Variants in STARD13 observed in about 807,000 individuals in gnomAD.
STARD13 encodes the protein StAR related lipid transfer domain containing 13.
A neutral mutation model predicts 106.4 loss-of-function variants in STARD13; 62 were observed. The ratio of observed to expected loss-of-function variants is 0.58; its 90% CI spans 0.48 to 0.72. The LOEUF (loss-of-function observed/expected upper bound fraction) is 0.72, where lower values mean the gene tolerates loss of function less well. STARD13 is among the 30% of genes least tolerant of loss of function. The probability of loss-of-function intolerance (pLI) is 0.00; values close to 1 mark genes in which losing one functional copy is unlikely to be tolerated. For synonymous variants in STARD13, 565 were observed against 553.0 expected (o/e 1.02, Z -0.31); for missense variants, 1,387 against 1,424.0 (o/e 0.97, Z 0.42).
intron 1 of STARD13, among the ~76,000 whole-genome samples, chr13:33,189,126 GAATAGCTCGATGCTTCATATAAAACCAT>G (rs1285318213): frequency 6.6e-6 from 1 of 152,082 alleles, no homozygotes; most frequent in Non-Finnish European, 1.5e-5. Context: ...GTAGTGTCAT[GAATAGCTCGATGCTTCATATAAAACCAT>G]AAGGAAGAAC....
At chr13:33,499,583 TTCTTCTTCTTCTTCTTC>T in the STARD13 span, among the ~76,000 whole-genome samples, 1 of 69,202 alleles carries the variant, frequency 1.4e-5, no homozygotes, top group Non-Finnish European at 3.0e-5. Context: ...CTTCTTCTTC[TTCTTCTTCTTCTTCTTC>T]TTCTTTCTTC....
At chr13:33,242,753 T>TAA (rs71693726) in intron 1 of STARD13, among the ~76,000 whole-genome samples, 9 of 148,870 alleles carry the variant, frequency 6.0e-5, no homozygotes, top group Admixed American at 2.7e-4. Context: ...CAGTAAATAC[T>TAA]AAAAAAAAAA....
intron 1 of STARD13, among the ~76,000 whole-genome samples, chr13:33,340,684 T>G (rs571423524): frequency 2.2e-4 from 34 of 152,386 alleles, no homozygotes; most frequent in Middle Eastern, 3.4e-3. Flanking sequence ...CATAAGATTC[T>G]GAAAATTTTA....
At chr13:33,518,895 A>G in the STARD13 span, among the ~76,000 whole-genome samples, 1 of 152,048 alleles carries the variant, frequency 6.6e-6, no homozygotes, top group Non-Finnish European at 1.5e-5. Flanking sequence ...GCCTCCTGCC[A>G]TGGGCTAGGC....
rs375396071 is a variant in STARD13, at chr13:33,209,863, T to C, written c.170-42241A>G. The stretch of plus-strand genomic sequence containing the variant: ...CAGCATGCACCTGGAATTTTAGCTA[T>C]TGGGGAGGCTGAGGTGGGAGGATCA... On this transcript the variant is annotated intron_variant, in intron 1 of 13. Coordinates refer to ENST00000336934, the MANE Select transcript of STARD13 (RefSeq NM_178006.4). Among the ~76,000 whole-genome samples, 286 of 152,058 alleles carry C rather than the reference T, an allele frequency of 1.9e-3. 1 individual carries two copies. The highest frequency in any genetic ancestry group is 6.6e-3 in the African/African-American group (274 of 41,472).
At chr13:33,162,404 C>A (rs1267642704) in intron 3 of STARD13, among the ~76,000 whole-genome samples, 1 of 152,228 alleles carries the variant, frequency 6.6e-6, no homozygotes, top group Admixed American at 6.5e-5. Context: ...CATTTGGCTC[C>A]TTGACACTTA....
At chr13:33,270,389 A>G (rs1296807402) in intron 1 of STARD13, among the ~76,000 whole-genome samples, 1 of 152,196 alleles carries the variant, frequency 6.6e-6, no homozygotes, top group Non-Finnish European at 1.5e-5. Flanking sequence ...CTGGCTTTAT[A>G]TGGCACCTGT....
At chr13:33,642,297 G>A in the STARD13 span, among the ~76,000 whole-genome samples, 2 of 152,218 alleles carry the variant, frequency 1.3e-5, no homozygotes, top group African/African-American at 4.8e-5. Context: ...AAGTGAGGGA[G>A]GTGTGATCAG....
exon 2 of STARD13, chr13:33,348,771 A>G (rs950429975): frequency 4.1e-6 from 1 of 241,160 alleles, no homozygotes; most frequent in Non-Finnish European, 8.4e-6. Context: ...AACAGTCAAA[A>G]CTGCTGGGTT....
the STARD13 span, among the ~76,000 whole-genome samples, chr13:33,556,706 C>G: frequency 6.6e-6 from 1 of 152,072 alleles, no homozygotes; most frequent in African/African-American, 2.4e-5. Flanking sequence ...AATTATCTTC[C>G]TAATAATGCA....
intron 1 of STARD13, among the ~76,000 whole-genome samples, chr13:33,224,871 A>G (rs903693747): frequency 6.6e-6 from 1 of 152,274 alleles, no homozygotes; most frequent in African/African-American, 2.4e-5. Context: ...TGCTTTTCTA[A>G]GCATAACCGA....
chr13:33,172,214 A>T (rs1566047097), intron 1 of STARD13, among the ~76,000 whole-genome samples: 1 of 152,200 alleles, frequency 6.6e-6, no homozygotes, highest in Non-Finnish European at 1.5e-5. Flanking sequence ...ATATTTTCTT[A>T]TATAATGATC....
chr13:33,110,355 TG>T (rs1874352349), intron 11 of STARD13, among the ~76,000 whole-genome samples: 1 of 152,182 alleles, frequency 6.6e-6, no homozygotes. Context: ...CCATTTGGTT[TG>T]TAAATTAGCC....
At chr13:33,618,541 C>T in the STARD13 span, among the ~76,000 whole-genome samples, 19 of 149,376 alleles carry the variant, frequency 1.3e-4, no homozygotes, top group Non-Finnish European at 2.3e-4. Flanking sequence ...TATCTTACAT[C>T]GATGGCTTGC....
At chr13:33,254,339 C>T (rs1287700227) in intron 1 of STARD13, among the ~76,000 whole-genome samples, 2 of 152,188 alleles carry the variant, frequency 1.3e-5, no homozygotes, top group Non-Finnish European at 2.9e-5. Flanking sequence ...AGGTGAGCAC[C>T]TTTACAGGCT....
At chr13:33,540,892 A>G in the STARD13 span, among the ~76,000 whole-genome samples, 6 of 152,242 alleles carry the variant, frequency 3.9e-5, no homozygotes, top group African/African-American at 1.4e-4. Context: ...AGATCACACT[A>G]GTCCACCCAA....
the STARD13 span, among the ~76,000 whole-genome samples, chr13:33,407,818 G>A: frequency 1.3e-5 from 2 of 152,328 alleles, no homozygotes; most frequent in South Asian, 4.1e-4. Context: ...GGATATTGGT[G>A]GTAGCGAGGA....
chr13:33,477,421 T>C, the STARD13 span, among the ~76,000 whole-genome samples: 1 of 152,270 alleles, frequency 6.6e-6, no homozygotes, highest in Non-Finnish European at 1.5e-5. Context: ...AACAATAATA[T>C]GGGACAAAAT....
At chr13:33,368,802 CA>C in the STARD13 span, among the ~76,000 whole-genome samples, 1 of 152,128 alleles carries the variant, frequency 6.6e-6, no homozygotes, top group Admixed American at 6.5e-5. Context: ...GGAGCCGGCC[CA>C]CCATTTGGTG....
Sources: allele counts gnomAD v4.1 joint callset (sites outside exome capture counted in the v4.1 genomes callset), GRCh38; gene constraint gnomAD v4.1.1; transcripts MANE v1.5; gene names NCBI Gene and HGNC (gene_info 2026-07-23, HGNC 2026-07-21).